Variants in PYHIN1 observed in about 807,000 individuals in gnomAD.
The protein encoded by PYHIN1 is pyrin and HIN domain family member 1, also known as pyrin and HIN domain-containing protein 1.
PYHIN1 carries 32 observed loss-of-function variants against 43.7 expected under a neutral mutation model. That is an observed-to-expected ratio of 0.73 (90% CI 0.55 to 0.98). PYHIN1 has a LOEUF of 0.98. PYHIN1 is among the 50% of genes least tolerant of loss of function. The probability of loss-of-function intolerance (pLI) is 0.00; values close to 1 mark genes in which losing one functional copy is unlikely to be tolerated. For missense variants in PYHIN1, 588 were observed against 589.5 expected (o/e 1.00, Z 0.03); for synonymous variants, 205 against 203.1 (o/e 1.01, Z -0.08).
chr1:158,948,802 T>C (rs1374378266), intron 7 of PYHIN1, among the ~76,000 whole-genome samples: 2 of 152,096 alleles, frequency 1.3e-5, no homozygotes, highest in Non-Finnish European at 2.9e-5. Context: ...CAATCATGTG[T>C]CAAATTGACT....
At chr1:158,969,850 T>C (rs1011624795) in intron 7 of PYHIN1, among the ~76,000 whole-genome samples, 2 of 10,626 alleles carry the variant, frequency 1.9e-4, no homozygotes, top group Non-Finnish European at 8.5e-3. Flanking sequence ...CTGCTGTACA[T>C]AAACTCCCTT....
chr1:158,946,567 A>ATAGG (rs1649233608), intron 7 of PYHIN1, among the ~76,000 whole-genome samples: 1 of 151,990 alleles, frequency 6.6e-6, no homozygotes, highest in South Asian at 2.1e-4. Context: ...AGATAGATAG[A>ATAGG]TAGATAGATA....
chr1:158,970,298 T>A (rs1304960404), intron 7 of PYHIN1, among the ~76,000 whole-genome samples: 2 of 152,036 alleles, frequency 1.3e-5, no homozygotes, highest in African/African-American at 2.4e-5. Context: ...TGTATATTTG[T>A]TAATGATTTA....
At chr1:158,955,770 A>T (rs1162616016) in intron 7 of PYHIN1, among the ~76,000 whole-genome samples, 1 of 92,870 alleles carries the variant, frequency 1.1e-5, no homozygotes, top group African/African-American at 3.8e-5. Flanking sequence ...AACTGAAGGA[A>T]ATAGAGACAC....
At chr1:158,982,665 A>T in the PYHIN1 span, among the ~76,000 whole-genome samples, 2 of 152,148 alleles carry the variant, frequency 1.3e-5, no homozygotes, top group African/African-American at 2.4e-5. Context: ...TAGTTTTTCT[A>T]ATTCTGTGAA....
At chr1:158,939,762 C>A in intron 4 of PYHIN1, 1 of 536,972 alleles carries the variant, frequency 1.9e-6, no homozygotes, top group Non-Finnish European at 3.3e-6. Context: ...TTCCTAGGAA[C>A]TTCTTTCTTT....
rs372034090 is a variant in PYHIN1 at position 158,952,552 on chromosome 1, A to G, written c.1359+7510A>G. On this transcript the variant is annotated intron_variant, in intron 7 of 8. Coordinates refer to ENST00000368140, the MANE Select transcript of PYHIN1 (RefSeq NM_152501.5). ...GGCAAAACCTCCATTCATCTTTGTT[A>G]TTTTGGCTTGGTGATATTGGGGCTG... Among the ~76,000 whole-genome samples the G allele has an allele frequency of 5.3e-5, 8 of 151,926 alleles. No homozygotes were observed. The East Asian group carries it at 1.6e-3, about 29-fold the overall frequency.
intron 4 of PYHIN1, among the ~76,000 whole-genome samples, chr1:158,941,240 G>A (rs1012554227): frequency 5.3e-5 from 8 of 152,132 alleles, no homozygotes; most frequent in Admixed American, 1.3e-4. Flanking sequence ...CTTCATTAAT[G>A]TGTTCTGCTG....
At chr1:158,974,404 A>G (rs879737238) in intron 8 of PYHIN1, among the ~76,000 whole-genome samples, 4 of 152,112 alleles carry the variant, frequency 2.6e-5, no homozygotes, top group Admixed American at 2.0e-4. Flanking sequence ...CACACTTGAT[A>G]ATAAGTACAG....
intron 7 of PYHIN1, among the ~76,000 whole-genome samples, chr1:158,949,514 C>G (rs977328420): frequency 1.3e-5 from 2 of 151,286 alleles, no homozygotes; most frequent in Non-Finnish European, 2.9e-5. Context: ...GTATATCTCC[C>G]AATGCTCTCC....
At chr1:158,962,672 T>C (rs1158679499) in intron 7 of PYHIN1, among the ~76,000 whole-genome samples, 1 of 152,154 alleles carries the variant, frequency 6.6e-6, no homozygotes, top group Non-Finnish European at 1.5e-5. Flanking sequence ...ACAAAGGGCC[T>C]GGTCACTACA....
At chr1:158,939,735 T>TC in intron 4 of PYHIN1, 2 of 561,400 alleles carry the variant, frequency 3.6e-6, no homozygotes, top group South Asian at 2.6e-5. Flanking sequence ...ACAGGTTAAA[T>TC]CTTCATGGTG....
intron 8 of PYHIN1, among the ~76,000 whole-genome samples, chr1:158,975,606 T>A (rs1651210427): frequency 6.6e-6 from 1 of 152,118 alleles, no homozygotes; most frequent in Non-Finnish European, 1.5e-5. Context: ...TATGTTTTTA[T>A]GTATATGATT....
rs1364320485 is a variant in PYHIN1 at position 158,940,559 on chromosome 1, T to C, written c.579+1312T>C. Among the ~76,000 whole-genome samples the C allele has an allele frequency of 3.3e-5, 5 of 152,336 alleles. No homozygotes were observed. The East Asian group carries it at 7.7e-4, about 23-fold the overall frequency. On this transcript the variant is annotated intron_variant, in intron 4 of 8. Transcript: ENST00000368140. ...CCTTACTATATGCATGTATCAGCAATAGTCTAAAAACTAATTGAAACTCTA... is the reference window on the plus strand; with the variant it reads ...CCTTACTATATGCATGTATCAGCAACAGTCTAAAAACTAATTGAAACTCTA...
chr1:158,941,659 T>C (rs77164451), intron 4 of PYHIN1, among the ~76,000 whole-genome samples: 7,056 of 152,288 alleles, frequency 0.046, 572 homozygotes, highest in African/African-American at 0.16. Flanking sequence ...CTACAACTCA[T>C]TATTTTATCC....
chr1:158,968,019 T>TG (rs1650726263), intron 7 of PYHIN1, among the ~76,000 whole-genome samples: 2 of 151,980 alleles, frequency 1.3e-5, no homozygotes. Flanking sequence ...AATACCATTC[T>TG]GGATATAGGG....
chr1:158,958,089 C>T (rs1158889322), intron 7 of PYHIN1, among the ~76,000 whole-genome samples: 5 of 151,964 alleles, frequency 3.3e-5, no homozygotes, highest in Admixed American at 6.6e-5. Flanking sequence ...TGGCAATCAT[C>T]AAAAAGTCAG....
chr1:158,969,778 A>C (rs1650832309), intron 7 of PYHIN1, among the ~76,000 whole-genome samples: 1 of 152,022 alleles, frequency 6.6e-6, no homozygotes, highest in Non-Finnish European at 1.5e-5. Flanking sequence ...ATGGAGTGAC[A>C]GTTTCTAAGT....
chr1:158,939,103 A>G lies in PYHIN1; in HGVS notation c.435A>G (p.Glu145=). The G allele has an allele frequency of 6.3e-7, 1 of 1,595,016 alleles. No homozygotes were observed. Among genetic ancestry groups the G allele is most frequent in the African/African-American group, 1.4e-5 (1 of 73,608 alleles). ...AGAAAAGAAAAAAACCATCTGAAGA[A>G]GAGACTGGAACCAAAAGGAGTAAGA... ...GPQKRKKPSE[E]ETGTKRSKMS... is the part of the protein sequence containing the mutation. Residue 145 remains glutamate (E), a synonymous_variant, in exon 4 of 9, where the codon GAA becomes GAG. Transcript: ENST00000368140.
Sources: gnomAD v4.1 joint callset for allele counts (sites outside exome capture counted in the v4.1 genomes callset) on GRCh38, gnomAD v4.1.1 for gene constraint, MANE v1.5 for transcripts, NCBI Gene and HGNC (gene_info 2026-07-23, HGNC 2026-07-21) for gene names.